APEH: variants seen among roughly 807,000 people sequenced by gnomAD.
The protein encoded by APEH is acylaminoacyl-peptide hydrolase.
Under a neutral mutation model 102.7 loss-of-function variants are expected in APEH, and 75 were observed. That is an observed-to-expected ratio of 0.73 (90% CI 0.61 to 0.89). The LOEUF (loss-of-function observed/expected upper bound fraction) is 0.89. Ranked by LOEUF, APEH falls within the 40% of genes least tolerant of loss-of-function variation. The probability of loss-of-function intolerance (pLI) is 0.00; values close to 1 mark genes in which losing one functional copy is unlikely to be tolerated. For synonymous variants in APEH, 344 were observed against 362.7 expected (o/e 0.95, Z 0.59); for missense variants, 863 against 941.2 (o/e 0.92, Z 1.09).
In APEH at chr3:49,679,369, C is replaced by T. The variant is rs1196517319; in HGVS notation, c.1159-224C>T. On this transcript the variant is annotated intron_variant, in intron 12 of 21. Coordinates refer to ENST00000296456, the MANE Select transcript of APEH (RefSeq NM_001640.4). This position sits in a 1 kb window ranked among gnomAD's most constrained non-coding sequence, Gnocchi z 4.3. The stretch of plus-strand genomic sequence containing the variant: ...CAACTCAAAGGGGCTCAAAGCCATT[C>T]CTTACCTTGCCCAGGGTCACCCAGC... Among the ~76,000 whole-genome samples, 1 of 152,196 alleles carries T rather than the reference C, an allele frequency of 6.6e-6. No homozygotes were observed. Among genetic ancestry groups the T allele is most frequent in the Non-Finnish European group, 1.5e-5 (1 of 68,030 alleles).
rs1213728226 is a variant in APEH at position 49,679,560 on chromosome 3, G to A, written c.1159-33G>A. On this transcript the variant is annotated intron_variant, in intron 12 of 21. Transcript: ENST00000296456. This position sits in a 1 kb window ranked among gnomAD's most constrained non-coding sequence, Gnocchi z 4.3. Reference sequence around the variant, plus strand: ...ATAGGTAGAGGGAGTACTCTTGGATGTGGTCGCACCTGTGGCCTTGCCTCT... The same window carrying A: ...ATAGGTAGAGGGAGTACTCTTGGATATGGTCGCACCTGTGGCCTTGCCTCT... 3.1e-6 allele frequency: 5 copies of A among 1,612,078 alleles called. No individual in the cohort carries two copies. The highest frequency in any genetic ancestry group is 4.2e-6 in the Non-Finnish European group (5 of 1,178,276).
At position 49,674,354 on chromosome 3, in the gene APEH, T is replaced by C. The variant is rs2052910887; in HGVS notation, c.-48T>C. The C allele has an allele frequency of 1.3e-6, 2 of 1,538,762 alleles. No individual in the cohort carries two copies. Among genetic ancestry groups the C allele is most frequent in the Non-Finnish European group, 1.7e-6 (2 of 1,149,222 alleles). ...AGGCTCCGCCCCCGGAAGCCTCACT[T>C]CCGGGCGCGAGCACGCCCCGCCTCG... On this transcript the variant is annotated 5_prime_UTR_variant, in exon 1 of 22. Transcript: ENST00000296456.
At chr3:49,681,689 C>G (rs747120428) in intron 15 of APEH, 33 bp from the exon 16 acceptor site, 3 of 1,517,790 alleles carry the variant, frequency 2.0e-6, no homozygotes, top group Non-Finnish European at 2.7e-6. Flanking sequence ...AGCCCCTAGG[C>G]TCACCCTGCT....
In APEH at chr3:49,681,141, T is replaced by TG; in HGVS notation, c.1341dup (p.Leu448ValfsTer36). On this transcript the variant is annotated frameshift_variant, in exon 15 of 22. Coordinates refer to ENST00000296456, the MANE Select transcript of APEH (RefSeq NM_001640.4). LOFTEE classifies it high-confidence loss of function. ...CCTTCTGCAGGGAAGGAGCAGTCAG[T>TG]GTTGTGGGTGTCCCTGGAGGAGGCC... 6.2e-7 allele frequency: 1 copy of TG among 1,609,284 alleles called. No individual in the cohort carries two copies. The highest frequency in any genetic ancestry group is 8.5e-7 in the Non-Finnish European group (1 of 1,177,564).
chr3:49,683,349 G>A lies in APEH; in HGVS notation c.*7G>A. The stretch of plus-strand genomic sequence containing the variant: ...CACACACTTGGGCAGCTGAAGCCCT[G>A]CCATTCTGCATGAGCTGATCAGCCT... On this transcript the variant is annotated 3_prime_UTR_variant, in exon 22 of 22. Coordinates refer to ENST00000296456, the MANE Select transcript of APEH (RefSeq NM_001640.4). 2 of 1,605,304 alleles carry A rather than the reference G, an allele frequency of 1.2e-6. No individual in the cohort carries two copies. The highest frequency in any genetic ancestry group is 1.1e-5 in the South Asian group (1 of 90,864).
At position 49,680,522 on chromosome 3, in the gene APEH, T is replaced by C. The variant is rs373581093; in HGVS notation, c.1211-19T>C. The stretch of plus-strand genomic sequence containing the variant: ...GTGATGGCTCCTGCTAAGCACTTAA[T>C]GGCATCTGCCTTTTCCAGGAGGGTC... On this transcript the variant is annotated intron_variant, in intron 13 of 21. Transcript: ENST00000296456. 24 of 1,610,276 alleles carry C rather than the reference T, an allele frequency of 1.5e-5. No homozygotes were observed. The African/African-American group carries it at 3.1e-4, about 21-fold the overall frequency.
chr3:49,673,716 T>TG (rs2052875759), upstream of APEH, among the ~76,000 whole-genome samples: 1 of 152,276 alleles, frequency 6.6e-6, no homozygotes, highest in South Asian at 2.1e-4. Context: ...GTCGGCCTCG[T>TG]GGTGGACCCG....
chr3:49,681,077 T>G (rs370822833), intron 14 of APEH, 24 bp from the exon 15 acceptor site: 6 of 1,556,808 alleles, frequency 3.9e-6, no homozygotes, highest in Non-Finnish European at 5.2e-6. Context: ...AGGCCACCTA[T>G]GACACATTCT....
chr3:49,682,114 G>T, intron 17 of APEH, 147 bp downstream of exon 17: 2 of 1,005,456 alleles, frequency 2.0e-6, no homozygotes, highest in Non-Finnish European at 3.0e-6. Flanking sequence ...AACTGCTGGG[G>T]CCCAGCCTCT....
rs148557118 is a variant in APEH, at chr3:49,683,302, T to C, written c.2159T>C (p.Met720Thr). 8.5e-5 allele frequency: 137 copies of C among 1,613,992 alleles called. 1 individual carries two copies. In the African/African-American group the frequency reaches 1.8e-3, roughly 21 times the overall value. ...SEVEVESDSFMNAVLWLRTHL... is the reference protein window; with the variant it reads ...SEVEVESDSFTNAVLWLRTHL... ...GTGGAGGTGGAGTCAGACAGCTTCA[T>C]GAATGCTGTGCTCTGGCTACGCACA... The change falls in exon 22 of 22, where the codon ATG (methionine) becomes ACG (threonine). Residue 720 changes from methionine (M) to threonine (T), a missense_variant. Physicochemically the swap from Met to Thr is moderately conservative, Grantham distance 81. Coordinates refer to ENST00000296456, the MANE Select transcript of APEH (RefSeq NM_001640.4).
intron 19 of APEH, 35 bp downstream of exon 19, chr3:49,682,771 C>T (rs1482226662): frequency 1.2e-6 from 2 of 1,613,638 alleles, no homozygotes; most frequent in Non-Finnish European, 1.7e-6. Context: ...CCCTTCCCTC[C>T]TCTACCTCAA....
chr3:49,678,990 C>A, intron 12 of APEH, 41 bp downstream of exon 12: 2 of 1,555,940 alleles, frequency 1.3e-6, no homozygotes, highest in South Asian at 2.2e-5. Flanking sequence ...CCCCTGTGGT[C>A]AACCCCCAGG....
Position 49,679,603 on chromosome 3 carries a change from C to T in APEH, c.1169C>T (p.Ala390Val), listed in dbSNP as rs2053227939. Residue 390 changes from alanine to valine, a missense_variant, in exon 13 of 22, where the codon GCT (alanine) becomes GTT (valine). Transcript: ENST00000296456. The surrounding 1 kb of genome is among the most constrained non-coding windows in gnomAD (Gnocchi z 4.3). ...TTGCCTCTGCTTCAGGACCTGTTTG[C>T]TGTGGACACCCAAGTGGGCACTGTG... is the stretch of plus-strand genomic sequence containing the variant. Reference protein sequence around the residue: ...SAQRSRQDLFAVDTQVGTVTS... With the variant: ...SAQRSRQDLFVVDTQVGTVTS... 8 of 1,613,910 alleles carry T rather than the reference C, an allele frequency of 5.0e-6. No individual in the cohort carries two copies. The highest frequency in any genetic ancestry group is 1.7e-4 in the Middle Eastern group (1 of 6,060).
intron 14 of APEH, 85 bp downstream of exon 14, chr3:49,680,714 T>G (rs2053279652): frequency 1.2e-5 from 15 of 1,247,586 alleles, no homozygotes; most frequent in Non-Finnish European, 1.7e-5. Flanking sequence ...CCCCAGAGTC[T>G]GACCTGGCTG....
In APEH at chr3:49,681,140, G is replaced by T; in HGVS notation, c.1339G>T (p.Val447Leu). 6.2e-7 allele frequency: 1 copy of T among 1,609,372 alleles called. No homozygotes were observed. The highest frequency in any genetic ancestry group is 8.5e-7 in the Non-Finnish European group (1 of 1,177,592). ...GCCTTCTGCAGGGAAGGAGCAGTCA[G>T]TGTTGTGGGTGTCCCTGGAGGAGGC... ...FLPSAGKEQS[V>L]LWVSLEEAEP... Residue 447 changes from valine (V) to leucine (L), a missense_variant, in exon 15 of 22, where the codon GTG (valine) becomes TTG (leucine). Coordinates refer to ENST00000296456, the MANE Select transcript of APEH (RefSeq NM_001640.4).
chr3:49,682,052 C>T lies in APEH; in HGVS notation c.1603+85C>T. The T allele has an allele frequency of 2.1e-6, 3 of 1,422,796 alleles. No individual in the cohort carries two copies. The South Asian group carries it at 3.5e-5, about 17-fold the overall frequency. 88.1% of individuals were successfully genotyped at this position (1,422,796 alleles called of 1,614,324 possible). ...TGGTTTGTATAAGTACCATGGGTGC[C>T]ACTCTAGTCTCCAGGACTTTCTCTA... On this transcript the variant is annotated intron_variant, in intron 17 of 21. Coordinates refer to ENST00000296456, the MANE Select transcript of APEH (RefSeq NM_001640.4).
chr3:49,683,047 C>T lies in APEH; in HGVS notation c.1994C>T (p.Thr665Ile), dbSNP rs964814107. 3 of 1,614,018 alleles carry T rather than the reference C, an allele frequency of 1.9e-6. No homozygotes were observed. The highest frequency in any genetic ancestry group is 2.5e-6 in the Non-Finnish European group (3 of 1,179,958). The change falls in exon 21 of 22, where the codon ACA becomes ATA. Residue 665 changes from threonine (T) to isoleucine (I), a missense_variant. Thr to Ile is a moderately conservative substitution (Grantham distance 89). Transcript: ENST00000296456. ...SPIRYIPQVK[T>I]PLLLMLGQED... ...TCTTCCCCAAACACCCAGGTGAAGA[C>T]ACCACTGTTACTGATGTTGGGCCAG...
rs750122357 is a variant in APEH at position 49,682,416 on chromosome 3, C to G, written c.1672C>G (p.Gln558Glu). 2 of 1,614,034 alleles carry G rather than the reference C, an allele frequency of 1.2e-6. No individual in the cohort carries two copies. Among genetic ancestry groups the G allele is most frequent in the South Asian group, 1.1e-5 (1 of 91,086 alleles). The change falls in exon 18 of 22, where the codon CAG becomes GAG. Residue 558 changes from glutamine (Q) to glutamate (E), a missense_variant. Coordinates refer to ENST00000296456, the MANE Select transcript of APEH (RefSeq NM_001640.4). ...CTCCCTCCCAGGCAATGTGGGCCAC[C>G]AGGATGTGAAGGATGTCCAGGTAGC... ...ILSLPGNVGH[Q>E]DVKDVQFAVE...
Position 49,682,584 on chromosome 3 carries a change from T to G in APEH, c.1731T>G (p.Asp577Glu). 6.2e-7 allele frequency: 1 copy of G among 1,614,176 alleles called. No individual in the cohort carries two copies. The highest frequency in any genetic ancestry group is 8.5e-7 in the Non-Finnish European group (1 of 1,180,028). ...AGGTGCTCCAGGAGGAACACTTTGA[T>G]GCAAGCCATGTGGCCCTTATGGGTG... ...VEQVLQEEHF[D>E]ASHVALMGGS... The change falls in exon 19 of 22, where the codon GAT becomes GAG. Residue 577 changes from aspartate (D) to glutamate (E), a missense_variant. Physicochemically the swap from Asp to Glu is conservative, Grantham distance 45. Coordinates refer to ENST00000296456, the MANE Select transcript of APEH (RefSeq NM_001640.4).
Sources: gnomAD v4.1 joint callset for allele counts (sites outside exome capture counted in the v4.1 genomes callset) on GRCh38, gnomAD v4.1.1 for gene constraint, Gnocchi (gnomAD v3.1) non-coding constraint, MANE v1.5 for transcripts, NCBI Gene and HGNC (gene_info 2026-07-23, HGNC 2026-07-21) for gene names.